The following HTT variants were observed in gnomAD, a reference collection of about 807,000 sequenced individuals.
HTT encodes the protein huntingtin.
In HTT, 104 loss-of-function variants were observed where a neutral mutation model predicts 362.3. That is an observed-to-expected ratio of 0.29 (90% CI 0.24 to 0.34). The LOEUF (loss-of-function observed/expected upper bound fraction) is 0.34, where lower values mean the gene tolerates loss of function less well. Ranked by LOEUF, HTT falls within the 10% of genes least tolerant of loss-of-function variation. HTT has a pLI of 1.00. For synonymous variants in HTT, 1,577 were observed against 1,548.7 expected (o/e 1.02, Z -0.43); for missense variants, 3,301 against 3,928.6 (o/e 0.84, Z 4.27).
In HTT at chr4:3,199,913, G is replaced by T; in HGVS notation, c.5550G>T (p.Trp1850Cys). The T allele has an allele frequency of 1.9e-6, 3 of 1,613,996 alleles. No homozygotes were observed. Among genetic ancestry groups the T allele is most frequent in the Non-Finnish European group, 2.5e-6 (3 of 1,179,944 alleles). Reference sequence around the variant, plus strand: ...TTGTCAACCACACCGACTACCGCTGGTGGGCAGAAGTGCAGCAGACCCCGA... The same window carrying T: ...TTGTCAACCACACCGACTACCGCTGTTGGGCAGAAGTGCAGCAGACCCCGA... ...LLLVNHTDYR[W>C]WAEVQQTPKR... The change falls in exon 41 of 67, where the codon TGG (tryptophan) becomes TGT (cysteine). Residue 1850 changes from tryptophan to cysteine, a missense_variant. Transcript: ENST00000355072.
chr4:3,119,922 G>A (rs1195895423), intron 8 of HTT, among the ~76,000 whole-genome samples: 1 of 152,164 alleles, frequency 6.6e-6, no homozygotes, highest in African/African-American at 2.4e-5. Context: ...GCCATCCCAA[G>A]TCTGTGGCAG....
chr4:3,226,118 C>T (rs1720898084), intron 57 of HTT, among the ~76,000 whole-genome samples: 1 of 151,830 alleles, frequency 6.6e-6, no homozygotes, highest in African/African-American at 2.4e-5. Flanking sequence ...AAGTAGACGC[C>T]ATGAAGGGCC....
chr4:3,215,273 C>T, intron 51 of HTT, 62 bp downstream of exon 51: 4 of 1,252,826 alleles, frequency 3.2e-6, no homozygotes, highest in Non-Finnish European at 4.6e-6. Context: ...AAATCATTCA[C>T]AGAGACGTGC....
At chr4:3,195,468 T>C (rs1431815051) in intron 40 of HTT, among the ~76,000 whole-genome samples, 1 of 152,064 alleles carries the variant, frequency 6.6e-6, no homozygotes, top group Non-Finnish European at 1.5e-5. Flanking sequence ...TTGGTCCCTT[T>C]CTCTTCCCCT....
intron 26 of HTT, among the ~76,000 whole-genome samples, chr4:3,151,632 G>T (rs1208495058): frequency 6.6e-6 from 1 of 152,180 alleles, no homozygotes; most frequent in Non-Finnish European, 1.5e-5. Context: ...AGGGATCTAG[G>T]TTGCATGCTC....
rs1360666208 is a variant in HTT at position 3,228,349 on chromosome 4, TG to T, written c.7849-265del. ...AGCATCCCTTCGTAGAGCCTCTTTC[TG>T]TGTCACCCTCCTCAGCTGCTCCTGG... On this transcript the variant is annotated intron_variant, in intron 57 of 66. Coordinates refer to ENST00000355072, the MANE Select transcript of HTT (RefSeq NM_001388492.1). The surrounding 1 kb of genome is among the most constrained non-coding windows in gnomAD (Gnocchi z 4.3). 6.6e-6 allele frequency among the ~76,000 whole-genome samples: 1 copy of T among 152,216 alleles called. No homozygotes were observed. The highest frequency in any genetic ancestry group is 1.5e-5 in the Non-Finnish European group (1 of 68,036).
rs1391168149 is a variant in HTT, at chr4:3,146,877, C to G, written c.3224C>G (p.Ser1075Trp). 1 of 1,614,128 alleles carries G rather than the reference C, an allele frequency of 6.2e-7. No individual in the cohort carries two copies. The highest frequency in any genetic ancestry group is 1.1e-5 in the South Asian group (1 of 91,084). ...GMATMILTLL[S>W]SAWFPLDLSA... ...GCCACAATGATTCTGACCCTGCTCT[C>G]GTCAGCTTGGTTCCCATTGGATCTC... Residue 1075 changes from serine to tryptophan, a missense_variant, in exon 25 of 67, where the codon TCG (serine) becomes TGG (tryptophan). Around this residue, in one of 4 missense-constraint regions of HTT, gnomAD observed 2,316 missense variants for 2,658.5 expected, o/e 0.87. Coordinates refer to ENST00000355072, the MANE Select transcript of HTT (RefSeq NM_001388492.1).
chr4:3,154,971 T>A lies in HTT; in HGVS notation c.3625+552T>A, dbSNP rs1416490168. Among the ~76,000 whole-genome samples the A allele has an allele frequency of 2.0e-5, 3 of 152,074 alleles. No individual in the cohort carries two copies. In the East Asian group the frequency reaches 5.8e-4, roughly 29 times the overall value. On this transcript the variant is annotated intron_variant, in intron 27 of 66. Transcript: ENST00000355072. ...AACAGAAGGGGCTAGGATTTAGGTG[T>A]GACTGCAGTTTATTGAATTCCCATC...
chr4:3,167,057 AT>A (rs1430317392), intron 29 of HTT, among the ~76,000 whole-genome samples: 1 of 152,184 alleles, frequency 6.6e-6, no homozygotes, highest in East Asian at 1.9e-4. Flanking sequence ...AGCTGTTCCT[AT>A]TCGGCCATTT....
intron 48 of HTT, 109 bp downstream of exon 48, chr4:3,212,251 G>A (rs551578439): frequency 1.1e-6 from 1 of 886,342 alleles, no homozygotes; most frequent in African/African-American, 1.7e-5. Context: ...TACATTGAAA[G>A]CGTTTACAGA....
rs1466739585 is a variant in HTT at position 3,243,351 on chromosome 4, G to C, written c.*3292G>C. 1 of 152,564 alleles carries C rather than the reference G, an allele frequency of 6.6e-6. No homozygotes were observed. Among genetic ancestry groups the C allele is most frequent in the Non-Finnish European group, 1.5e-5 (1 of 68,092 alleles). 9.5% of individuals were successfully genotyped at this position (152,564 alleles called of 1,614,324 possible). A position where few individuals can be genotyped will look rare whatever the true frequency, so the allele number is the denominator to read the frequency against. ...TCTGCGGGGAGGACCCGGGACCACAGCTGCTGGCCAGGGTAGACTTGGAGC... is the reference window on the plus strand; with the variant it reads ...TCTGCGGGGAGGACCCGGGACCACACCTGCTGGCCAGGGTAGACTTGGAGC... On this transcript the variant is annotated 3_prime_UTR_variant, in exon 67 of 67. Transcript: ENST00000355072.
chr4:3,218,040 G>C lies in HTT; in HGVS notation c.7242+88G>C, dbSNP rs948768946. ...TGGGCACACGTGAGAGGGCGGGACA[G>C]AATCCCCGCAGCCCAGAGGCTGCCT... On this transcript the variant is annotated intron_variant, in intron 52 of 66. Transcript: ENST00000355072. This position sits in a 1 kb window ranked among gnomAD's most constrained non-coding sequence, Gnocchi z 4.4. 78 of 1,162,194 alleles carry C rather than the reference G, an allele frequency of 6.7e-5. No homozygotes were observed. The highest frequency in any genetic ancestry group is 3.0e-4 in the Middle Eastern group (1 of 3,374). 72.0% of individuals were successfully genotyped at this position (1,162,194 alleles called of 1,614,324 possible). A position where few individuals can be genotyped will look rare whatever the true frequency, so the allele number is the denominator to read the frequency against.
intron 51 of HTT, among the ~76,000 whole-genome samples, chr4:3,216,709 G>A (rs552545769): frequency 3.9e-5 from 6 of 152,234 alleles, no homozygotes; most frequent in South Asian, 2.1e-4. Flanking sequence ...TCGATAGGAC[G>A]TTACTTCTTA....
intron 37 of HTT, among the ~76,000 whole-genome samples, chr4:3,183,376 G>A (rs1718615524): frequency 6.6e-6 from 1 of 152,234 alleles, no homozygotes; most frequent in South Asian, 2.1e-4. Context: ...CCTTGAGGCA[G>A]CTCTGCCAGA....
chr4:3,078,688 C>T (rs148125464), intron 1 of HTT, among the ~76,000 whole-genome samples: 3,498 of 152,088 alleles, frequency 0.023, 59 homozygotes, highest in Non-Finnish European at 0.034. Context: ...CATGCCTCAG[C>T]CTCCTGTTTA....
chr4:3,099,441 A>G (rs1200665756), intron 3 of HTT, 47 bp downstream of exon 3: 1 of 1,606,582 alleles, frequency 6.2e-7, no homozygotes, highest in Admixed American at 1.7e-5. Context: ...TCATTGTTGT[A>G]GGCTGAGAGA....
At chr4:3,176,639 C>T (rs1330244041) in intron 33 of HTT, among the ~76,000 whole-genome samples, 2 of 152,212 alleles carry the variant, frequency 1.3e-5, no homozygotes, top group Non-Finnish European at 2.9e-5. Flanking sequence ...GCTCTGGTTT[C>T]ATGTTTGTTC....
chr4:3,144,794 C>T (rs962533060), intron 23 of HTT, among the ~76,000 whole-genome samples: 2 of 152,108 alleles, frequency 1.3e-5, no homozygotes, highest in Non-Finnish European at 2.9e-5. Context: ...GATGGAAAAA[C>T]AGGATTCCTG....
intron 2 of HTT, among the ~76,000 whole-genome samples, chr4:3,097,005 G>T (rs1294397001): frequency 2.0e-5 from 3 of 152,106 alleles, no homozygotes; most frequent in African/African-American, 7.2e-5. Context: ...TGTAGTCCCA[G>T]CTAACCAGGA....
Sources: gnomAD v4.1 joint callset for allele counts (sites outside exome capture counted in the v4.1 genomes callset) on GRCh38, gnomAD v4.1.1 for gene constraint, gnomAD v4.1.1 regional missense constraint, Gnocchi (gnomAD v3.1) non-coding constraint, MANE v1.5 for transcripts, NCBI Gene and HGNC (gene_info 2026-07-23, HGNC 2026-07-21) for gene names.